The following NRG3 variants were observed in gnomAD, a reference collection of about 807,000 sequenced individuals.
NRG3 encodes the protein pro-neuregulin-3, membrane-bound isoform.
A neutral mutation model predicts 66.9 loss-of-function variants in NRG3; 31 were observed. The observed-to-expected ratio is 0.46, with a 90% CI of 0.35 to 0.63. The LOEUF is 0.63. Among genes scored for constraint, NRG3 ranks in the 20% least tolerant of loss-of-function variants. The probability of loss-of-function intolerance (pLI) is 0.00; values close to 1 mark genes in which losing one functional copy is unlikely to be tolerated. For missense variants in NRG3, 910 were observed against 878.9 expected (o/e 1.04, Z -0.45); for synonymous variants, 393 against 359.4 (o/e 1.09, Z -1.06).
At chr10:82,188,132 G>T (rs1234199899) in intron 1 of NRG3, among the ~76,000 whole-genome samples, 1 of 152,044 alleles carries the variant, frequency 6.6e-6, no homozygotes, top group East Asian at 1.9e-4. Flanking sequence ...CAAAGGAACA[G>T]AATAGAGAGC....
chr10:82,305,844 C>A (rs2080694687), intron 1 of NRG3, among the ~76,000 whole-genome samples: 2 of 152,182 alleles, frequency 1.3e-5, no homozygotes, highest in Admixed American at 6.5e-5. Context: ...CATCCAATTT[C>A]TTTCATTTTC....
At chr10:81,934,550 A>G (rs1257764482) in intron 1 of NRG3, among the ~76,000 whole-genome samples, 3 of 152,178 alleles carry the variant, frequency 2.0e-5, no homozygotes, top group Non-Finnish European at 4.4e-5. Context: ...AGGATGGCAA[A>G]TCTATGGAAA....
intron 1 of NRG3, among the ~76,000 whole-genome samples, chr10:82,026,226 A>T (rs1482003272): frequency 2.0e-5 from 3 of 152,084 alleles, no homozygotes; most frequent in African/African-American, 7.2e-5. Context: ...CAGGTTAGTT[A>T]CGTGTACACT....
intron 1 of NRG3, among the ~76,000 whole-genome samples, chr10:82,011,918 A>G (rs116658646): frequency 0.018 from 2,687 of 152,144 alleles, 85 homozygotes; most frequent in African/African-American, 0.061. Flanking sequence ...CCAGATGCAC[A>G]GTGCAAGCTG....
At chr10:82,618,211 T>TAGCC (rs1294224840) in intron 2 of NRG3, among the ~76,000 whole-genome samples, 1 of 152,202 alleles carries the variant, frequency 6.6e-6, no homozygotes, top group Non-Finnish European at 1.5e-5. Flanking sequence ...TCATCATTTC[T>TAGCC]AGCCAGCCAG....
intron 1 of NRG3, among the ~76,000 whole-genome samples, chr10:81,987,302 C>G (rs2133533878): frequency 6.6e-6 from 1 of 152,284 alleles, no homozygotes. Flanking sequence ...CCAGGCTGGT[C>G]TCGAACTCCT....
chr10:82,801,073 A>G (rs1329220677), intron 3 of NRG3, among the ~76,000 whole-genome samples: 2 of 152,236 alleles, frequency 1.3e-5, no homozygotes, highest in Non-Finnish European at 2.9e-5. Flanking sequence ...TAGTGAATGC[A>G]GCAAAGATAC....
intron 1 of NRG3, among the ~76,000 whole-genome samples, chr10:82,138,869 C>T: frequency 6.6e-6 from 1 of 152,066 alleles, no homozygotes; most frequent in Non-Finnish European, 1.5e-5. Flanking sequence ...TCCATCTTCT[C>T]CTGCTTGCTT....
chr10:82,619,934 T>A (rs1473723246), intron 2 of NRG3, among the ~76,000 whole-genome samples: 1 of 152,222 alleles, frequency 6.6e-6, no homozygotes, highest in Non-Finnish European at 1.5e-5. Context: ...GGCAGTTTGT[T>A]ATGGCATCCC....
intron 3 of NRG3, among the ~76,000 whole-genome samples, chr10:82,746,779 C>A (rs569581387): frequency 1.3e-5 from 2 of 150,754 alleles, no homozygotes; most frequent in African/African-American, 5.0e-5. Flanking sequence ...ACAATATACT[C>A]ATTTGCCTTA....
At chr10:82,071,507 G>T (rs951151884) in intron 1 of NRG3, among the ~76,000 whole-genome samples, 1 of 152,154 alleles carries the variant, frequency 6.6e-6, no homozygotes, top group Non-Finnish European at 1.5e-5. Context: ...GAAGCCTTGA[G>T]GGGAGAGCAT....
chr10:82,677,535 T>C (rs181134476), intron 2 of NRG3, among the ~76,000 whole-genome samples: 86 of 152,304 alleles, frequency 5.6e-4, no homozygotes, highest in Admixed American at 3.2e-3. Flanking sequence ...TGGCTTTTCT[T>C]CTCTTATGGC....
At chr10:82,298,220 AGGG>A (rs534052044) in intron 1 of NRG3, among the ~76,000 whole-genome samples, 39 of 135,860 alleles carry the variant, frequency 2.9e-4, no homozygotes, top group Admixed American at 5.1e-4. Flanking sequence ...GAAGGAAAGA[AGGG>A]AGGGAGGGAG....
At chr10:81,960,276 T>G (rs1479313892) in intron 1 of NRG3, among the ~76,000 whole-genome samples, 1 of 152,232 alleles carries the variant, frequency 6.6e-6, no homozygotes, top group Non-Finnish European at 1.5e-5. Flanking sequence ...ATTTATGTAA[T>G]TGCATAGATG....
At chr10:82,796,912 G>T (rs1354940678) in intron 3 of NRG3, among the ~76,000 whole-genome samples, 2 of 152,018 alleles carry the variant, frequency 1.3e-5, no homozygotes, top group East Asian at 3.9e-4. Context: ...AGGAAATTAT[G>T]CCATAAAGCT....
intron 1 of NRG3, among the ~76,000 whole-genome samples, chr10:81,923,882 C>G (rs1007238962): frequency 1.3e-5 from 2 of 152,196 alleles, no homozygotes; most frequent in East Asian, 3.9e-4. Flanking sequence ...CCTTTGCCCT[C>G]AGGTGGCATG....
chr10:82,374,147 T>A (rs1322557808), intron 2 of NRG3, among the ~76,000 whole-genome samples: 1 of 152,284 alleles, frequency 6.6e-6, no homozygotes, highest in South Asian at 2.1e-4. Context: ...GAGACAGAAA[T>A]GTTAATATCA....
intron 1 of NRG3, among the ~76,000 whole-genome samples, chr10:82,305,803 A>G (rs1282752460): frequency 6.6e-6 from 1 of 152,150 alleles, no homozygotes; most frequent in East Asian, 1.9e-4. Flanking sequence ...GTAAATAGTG[A>G]CAATTGTTCC....
intron 4 of NRG3, among the ~76,000 whole-genome samples, chr10:82,944,975 G>T (rs1164162241): frequency 6.6e-6 from 1 of 152,086 alleles, no homozygotes; most frequent in African/African-American, 2.4e-5. Flanking sequence ...GCTTATTAAT[G>T]ATAAAGTACT....
Sources: allele counts gnomAD v4.1 joint callset (sites outside exome capture counted in the v4.1 genomes callset), GRCh38; gene constraint gnomAD v4.1.1; transcripts MANE v1.5; gene names NCBI Gene and HGNC (gene_info 2026-07-23, HGNC 2026-07-21).